The following ZRSR2 variants were observed in gnomAD, a reference collection of about 807,000 sequenced individuals.
The protein encoded by ZRSR2 is zinc finger CCCH-type, RNA binding motif and serine/arginine rich 2.
A neutral mutation model predicts 39.4 loss-of-function variants in ZRSR2; 3 were observed. The ratio of observed to expected loss-of-function variants is 0.08; its 90% CI spans 0.03 to 0.20. ZRSR2 has a LOEUF of 0.20. ZRSR2 is among the 10% of genes least tolerant of loss of function. The pLI is 1.00. For missense variants in ZRSR2, 256 were observed against 391.5 expected (o/e 0.65, Z 2.92); for synonymous variants, 137 against 136.0 (o/e 1.01, Z -0.05).
intron 7 of ZRSR2, among the ~76,000 whole-genome samples, chrX:15,810,781 C>T (rs938832056): frequency 4.7e-5 from 5 of 107,077 alleles, no homozygotes; most frequent in African/African-American, 1.7e-4. Flanking sequence ...CTTTGGGAGG[C>T]CAAGGCAGGC....
Position 15,799,889 on chromosome X carries a change from G to A in ZRSR2, c.139G>A (p.Glu47Lys), listed in dbSNP as rs1932608014. The A allele has an allele frequency of 8.3e-7, 1 of 1,198,301 alleles. No individual in the cohort carries two copies. The highest frequency in any genetic ancestry group is 2.2e-5 in the Admixed American group (1 of 45,322). ...TTCCCTAGGACTCTCACAGAAGGAG[G>A]AAGAGGAGGACACTTTTATTGAAGA... ...LRDSGLSQKE[E>K]EEDTFIEEQQ... Residue 47 changes from glutamate to lysine, a missense_variant, in exon 3 of 11, where the codon GAA (glutamate) becomes AAA (lysine). Physicochemically the swap from Glu to Lys is moderately conservative, Grantham distance 56 (BLOSUM62 1). Transcript: ENST00000307771.
chrX:15,798,786 A>G (rs185598434), intron 2 of ZRSR2, among the ~76,000 whole-genome samples: 9 of 112,173 alleles, frequency 8.0e-5, no homozygotes, highest in African/African-American at 2.9e-4. Flanking sequence ...AACACTCTTT[A>G]GAACAAAGGA....
Position 15,809,184 on chromosome X carries a change from T to C in ZRSR2, c.439-16T>C. 8.8e-7 allele frequency: 1 copy of C among 1,132,297 alleles called. No homozygotes were observed. Among genetic ancestry groups the C allele is most frequent in the Non-Finnish European group, 1.2e-6 (1 of 823,141 alleles). The allele number at this position is 1,132,297 out of a possible 1,213,427, so 93.3% of individuals were successfully genotyped here. ...GGTTTTTACTCCACCAGTAAAGTCA[T>C]GGTTATTTTCAACAGTTGGAAAATG... On this transcript the variant is annotated splice_polypyrimidine_tract_variant and intron_variant, in intron 6 of 10. Coordinates refer to ENST00000307771, the MANE Select transcript of ZRSR2 (RefSeq NM_005089.4).
chrX:15,792,844 T>C (rs1000546378), intron 2 of ZRSR2, among the ~76,000 whole-genome samples: 1 of 112,732 alleles, frequency 8.9e-6, no homozygotes, highest in African/African-American at 3.2e-5. Context: ...CTCATGAAAT[T>C]ATCCTAGACA....
At chrX:15,800,102 T>C (rs773310878) in intron 3 of ZRSR2, 149 bp downstream of exon 3, 1 of 315,613 alleles carries the variant, frequency 3.2e-6, no homozygotes, top group Admixed American at 6.2e-5. Flanking sequence ...AATCTGTAGT[T>C]GATGGGCTAA....
At position 15,812,015 on chromosome X, in the gene ZRSR2, C is replaced by T. The variant is rs751854294; in HGVS notation, c.557+2697C>T. On this transcript the variant is annotated intron_variant, in intron 7 of 10. Coordinates refer to ENST00000307771, the MANE Select transcript of ZRSR2 (RefSeq NM_005089.4). ...CACGATCTCCGCTCACTGCAAACTC[C>T]GCCTCCTGGGTTCGCGCCATTCTCC... Among the ~76,000 whole-genome samples, 731 of 111,237 alleles carry T rather than the reference C, an allele frequency of 6.6e-3. 6 individuals carry two copies. Among genetic ancestry groups the T allele is most frequent in the African/African-American group, 0.022 (683 of 30,612 alleles).
intron 9 of ZRSR2, among the ~76,000 whole-genome samples, chrX:15,819,004 T>C (rs1933038761): frequency 9.2e-6 from 1 of 109,220 alleles, no homozygotes; most frequent in Admixed American, 9.9e-5. Flanking sequence ...ACTCCTGACC[T>C]CAGGTGATCC....
chrX:15,819,510 G>A (rs1052674140), intron 9 of ZRSR2, among the ~76,000 whole-genome samples: 10 of 110,762 alleles, frequency 9.0e-5, no homozygotes, highest in African/African-American at 2.3e-4. Flanking sequence ...CCAGGAGGTC[G>A]AGGCTGCAGT....
intron 2 of ZRSR2, among the ~76,000 whole-genome samples, chrX:15,794,003 C>T (rs1932366780): frequency 1.8e-5 from 2 of 112,212 alleles, no homozygotes; most frequent in Non-Finnish European, 1.9e-5. Flanking sequence ...CTTTGGCATC[C>T]ATTCTACTTC....
chrX:15,790,908 G>T (rs1194746509), intron 1 of ZRSR2, 26 bp from the exon 2 acceptor site: 1 of 1,192,407 alleles, frequency 8.4e-7, no homozygotes, highest in Admixed American at 2.2e-5. Flanking sequence ...GCCGCTGATC[G>T]TCGTGTATAT....
intron 7 of ZRSR2, among the ~76,000 whole-genome samples, chrX:15,812,402 G>A (rs1043307743): frequency 8.9e-6 from 1 of 112,191 alleles, no homozygotes; most frequent in African/African-American, 3.2e-5. Flanking sequence ...AGACTGCTCT[G>A]TTCCCTTTTT....
At chrX:15,813,496 A>G (rs1486552541) in intron 7 of ZRSR2, among the ~76,000 whole-genome samples, 1 of 112,138 alleles carries the variant, frequency 8.9e-6, no homozygotes, top group Non-Finnish European at 1.9e-5. Flanking sequence ...TTTCAATAAA[A>G]GCTATAGGGC....
intron 5 of ZRSR2, among the ~76,000 whole-genome samples, chrX:15,805,231 C>T (rs1341812705): frequency 8.9e-6 from 1 of 111,882 alleles, no homozygotes; most frequent in Non-Finnish European, 1.9e-5. Context: ...TTGAGCACTT[C>T]TTTCCAGATG....
intron 2 of ZRSR2, among the ~76,000 whole-genome samples, chrX:15,794,659 G>T (rs1207101676): frequency 1.8e-5 from 2 of 111,581 alleles, no homozygotes; most frequent in Non-Finnish European, 3.8e-5. Context: ...CTCTTGGGTG[G>T]CAGAGGTGGA....
chrX:15,795,754 C>A (rs983321365), intron 2 of ZRSR2, among the ~76,000 whole-genome samples: 1 of 111,426 alleles, frequency 9.0e-6, no homozygotes, highest in African/African-American at 3.3e-5. Context: ...TGTTTTCAAT[C>A]CTGCTGCTTG....
chrX:15,793,601 C>T (rs1289086850), intron 2 of ZRSR2, among the ~76,000 whole-genome samples: 12 of 111,584 alleles, frequency 1.1e-4, no homozygotes, highest in African/African-American at 2.3e-4. Flanking sequence ...TGCAATGGCA[C>T]GATCTAGGCT....
At chrX:15,808,537 A>G (rs1932832624) in intron 6 of ZRSR2, among the ~76,000 whole-genome samples, 1 of 111,082 alleles carries the variant, frequency 9.0e-6, no homozygotes, top group Non-Finnish European at 1.9e-5. Context: ...CCTCCAGTGG[A>G]CGGTTTACCT....
At chrX:15,804,696 CATTT>C (rs1444432265) in intron 5 of ZRSR2, among the ~76,000 whole-genome samples, 2 of 111,779 alleles carry the variant, frequency 1.8e-5, no homozygotes, top group East Asian at 5.6e-4. Context: ...TTTGTTTCCA[CATTT>C]ATTTAGGTCA....
intron 2 of ZRSR2, among the ~76,000 whole-genome samples, chrX:15,793,493 A>G (rs915927801): frequency 1.8e-5 from 2 of 111,004 alleles, no homozygotes; most frequent in African/African-American, 6.6e-5. Flanking sequence ...CCAACTCACA[A>G]TTCTTTGCCT....
Sources: allele counts gnomAD v4.1 joint callset (sites outside exome capture counted in the v4.1 genomes callset), GRCh38; gene constraint gnomAD v4.1.1; transcripts MANE v1.5; gene names NCBI Gene and HGNC (gene_info 2026-07-23, HGNC 2026-07-21).